Variants in SDK2 observed in about 807,000 individuals in gnomAD.
The protein encoded by SDK2 is protein sidekick-2.
In SDK2, 105 loss-of-function variants were observed where a neutral mutation model predicts 253.9. The ratio of observed to expected loss-of-function variants is 0.41; its 90% CI spans 0.35 to 0.49. SDK2 has a LOEUF of 0.49. SDK2 is among the 20% of genes least tolerant of loss of function. The pLI, the probability that SDK2 is intolerant of heterozygous loss-of-function variation, is 0.06. For missense variants in SDK2, 2,608 were observed against 3,003.0 expected (o/e 0.87, Z 3.07); for synonymous variants, 1,249 against 1,234.9 (o/e 1.01, Z -0.24).
At chr17:73,596,379 G>A (rs544970445) in intron 1 of SDK2, among the ~76,000 whole-genome samples, 1 of 152,300 alleles carries the variant, frequency 6.6e-6, no homozygotes, top group East Asian at 1.9e-4. Context: ...GCATGACACG[G>A]TATGAACATT....
intron 2 of SDK2, 124 bp downstream of exon 2, chr17:73,507,314 G>C (rs2063943535): frequency 9.4e-7 from 1 of 1,059,720 alleles, no homozygotes; most frequent in South Asian, 1.7e-5. Flanking sequence ...CTCACTTCCA[G>C]AACTCCAGGC....
In SDK2 at chr17:73,507,567, G is replaced by A. The variant is rs1337618128; in HGVS notation, c.95C>T (p.Pro32Leu). Reference sequence around the variant, plus strand: ...TTCCAAGTGCACCTGTGTCCGCACAGGCTCTGTCTTGAAATACGGGGACAC... The same window carrying A: ...TTCCAAGTGCACCTGTGTCCGCACAAGCTCTGTCTTGAAATACGGGGACAC... ...DDVSPYFKTE[P>L]VRTQVHLEGN... Residue 32 changes from proline (P) to leucine (L), a missense_variant, in exon 2 of 45, where the codon CCT becomes CTT. Around this residue, in one of 2 missense-constraint regions of SDK2, gnomAD observed 1,505 missense variants for 1,859.1 expected, o/e 0.81. Transcript: ENST00000392650. The A allele has an allele frequency of 6.4e-6, 10 of 1,551,552 alleles. No homozygotes were observed. Among genetic ancestry groups the A allele is most frequent in the African/African-American group, 4.1e-5 (3 of 73,064 alleles).
At position 73,640,797 on chromosome 17, in the gene SDK2, C is replaced by T. The variant is rs193118072; in HGVS notation, c.64+3228G>A. The stretch of plus-strand genomic sequence containing the variant: ...GGTTGTCCCCACTGCCTTGTTCTCT[C>T]GGCTCAGATTCCCTTCCTTCTGTTC... On this transcript the variant is annotated intron_variant, in intron 1 of 44. Coordinates refer to ENST00000392650, the MANE Select transcript of SDK2 (RefSeq NM_001144952.2). Among the ~76,000 whole-genome samples the T allele has an allele frequency of 1.1e-4, 16 of 152,282 alleles. No individual in the cohort carries two copies. In the East Asian group the frequency reaches 2.5e-3, roughly 24 times the overall value.
At position 73,401,933 on chromosome 17, in the gene SDK2, G is replaced by A. The variant is rs761636684; in HGVS notation, c.2680+13C>T. On this transcript the variant is annotated intron_variant, in intron 19 of 44. Coordinates refer to ENST00000392650, the MANE Select transcript of SDK2 (RefSeq NM_001144952.2). Reference sequence around the variant, plus strand: ...GGGGGGGGGCAGAAAGAGCAGGGCTGGGGGGTGCCTACCATCCTCATGGGT... The same window carrying A: ...GGGGGGGGGCAGAAAGAGCAGGGCTAGGGGGTGCCTACCATCCTCATGGGT... 6.3e-7 allele frequency: 1 copy of A among 1,579,056 alleles called. No homozygotes were observed. The highest frequency in any genetic ancestry group is 8.6e-7 in the Non-Finnish European group (1 of 1,158,646).
chr17:73,614,661 T>C (rs1467766935), intron 1 of SDK2, among the ~76,000 whole-genome samples: 1 of 21,884 alleles, frequency 4.6e-5, no homozygotes, highest in Non-Finnish European at 7.6e-5. Context: ...GGACAAAGAT[T>C]GAAAAGGGGG....
chr17:73,458,226 G>A (rs1193196564), intron 3 of SDK2, among the ~76,000 whole-genome samples: 1 of 152,206 alleles, frequency 6.6e-6, no homozygotes, highest in Non-Finnish European at 1.5e-5. Flanking sequence ...TTATAGGCGT[G>A]AGCCACTGTG....
intron 44 of SDK2, among the ~76,000 whole-genome samples, chr17:73,345,705 G>A (rs1049859181): frequency 1.3e-5 from 2 of 152,098 alleles, no homozygotes; most frequent in Non-Finnish European, 2.9e-5. Flanking sequence ...GATGCATTTT[G>A]GGCTTGTTGT....
chr17:73,348,286 C>T (rs747586760), intron 44 of SDK2, among the ~76,000 whole-genome samples: 11 of 152,228 alleles, frequency 7.2e-5, no homozygotes, highest in Non-Finnish European at 1.0e-4. Flanking sequence ...GCACCTTCAG[C>T]GTGCTCTCTT....
chr17:73,518,593 T>C (rs1377658177), intron 1 of SDK2: 1 of 152,208 alleles, frequency 6.6e-6, no homozygotes, highest in Non-Finnish European at 1.5e-5. Flanking sequence ...TAGGTTTATT[T>C]TGCAGTTAAC....
chr17:73,536,770 C>T (rs2145813332), intron 1 of SDK2, among the ~76,000 whole-genome samples: 1 of 152,328 alleles, frequency 6.6e-6, no homozygotes, highest in African/African-American at 2.4e-5. Flanking sequence ...CCACTGGGGG[C>T]CTCTCTGAAG....
In SDK2 at chr17:73,481,286, T is replaced by A. The variant is rs1477371952; in HGVS notation, c.225-9068A>T. On this transcript the variant is annotated intron_variant, in intron 2 of 44. Transcript: ENST00000392650. The surrounding 1 kb of genome is among the most constrained non-coding windows in gnomAD (Gnocchi z 4.5). ...GGAGGGGGGACTTGGGCACAGTGTG[T>A]TCCCCCCACCTTCTAGGGAACCTGA... 6.6e-6 allele frequency among the ~76,000 whole-genome samples: 1 copy of A among 152,056 alleles called. No individual in the cohort carries two copies. Among genetic ancestry groups the A allele is most frequent in the African/African-American group, 2.4e-5 (1 of 41,410 alleles).
rs554581880 is a variant in SDK2 at position 73,595,471 on chromosome 17, C to T, written c.64+48554G>A. Among the ~76,000 whole-genome samples, 4 of 152,294 alleles carry T rather than the reference C, an allele frequency of 2.6e-5. No individual in the cohort carries two copies. The East Asian group carries it at 5.8e-4, about 22-fold the overall frequency. ...AAGAGATCCCACACAGCACCAGCCT[C>T]CCACACAGCCATGAGTCTGGGCCCT... On this transcript the variant is annotated intron_variant, in intron 1 of 44. Transcript: ENST00000392650.
At chr17:73,531,319 T>C (rs972392624) in intron 1 of SDK2, among the ~76,000 whole-genome samples, 1 of 152,182 alleles carries the variant, frequency 6.6e-6, no homozygotes, top group African/African-American at 2.4e-5. Flanking sequence ...TTTTCTAATA[T>C]ACTTAGCGGT....
intron 14 of SDK2, among the ~76,000 whole-genome samples, 171 bp downstream of exon 14, chr17:73,423,215 C>G (rs1396545700): frequency 1.3e-5 from 2 of 152,206 alleles, no homozygotes; most frequent in African/African-American, 4.8e-5. Context: ...CAGGGCCTGA[C>G]AGGCAGATGC....
chr17:73,372,794 T>C (rs1171727853), intron 36 of SDK2, among the ~76,000 whole-genome samples: 1 of 152,016 alleles, frequency 6.6e-6, no homozygotes, highest in Non-Finnish European at 1.5e-5. Flanking sequence ...CAAAAAACTG[T>C]ATGTGTTTAA....
intron 3 of SDK2, among the ~76,000 whole-genome samples, chr17:73,457,787 G>T (rs79858718): frequency 1.3e-5 from 2 of 152,062 alleles, no homozygotes; most frequent in African/African-American, 4.8e-5. Context: ...CAAGGGGGCC[G>T]CATCCTAAGC....
rs767237872 is a variant in SDK2 at position 73,350,363 on chromosome 17, T to A, written c.5912A>T (p.Lys1971Met). Residue 1971 changes from lysine (K) to methionine (M), a missense_variant, in exon 43 of 45, where the codon AAG becomes ATG. Lys to Met is a moderately conservative substitution (Grantham distance 95, BLOSUM62 -1). Around this residue, in one of 2 missense-constraint regions of SDK2, gnomAD observed 1,103 missense variants for 1,143.9 expected, o/e 0.96. Transcript: ENST00000392650. ...CTCGCTGTGGCCTAGGGCTCCAGAC[T>A]TGGCACTGTTCCCTGAAGTCGGCGG... is the stretch of plus-strand genomic sequence containing the variant. Reference protein sequence around the residue: ...AKKTDSGNSAKSGALGHSEMM... With the variant: ...AKKTDSGNSAMSGALGHSEMM... 1.2e-6 allele frequency: 2 copies of A among 1,613,706 alleles called. No individual in the cohort carries two copies. Among genetic ancestry groups the A allele is most frequent in the Non-Finnish European group, 1.7e-6 (2 of 1,179,744 alleles).
In SDK2 at chr17:73,455,460, C is replaced by T. The variant is rs960496978; in HGVS notation, c.479+446G>A. Among the ~76,000 whole-genome samples the T allele has an allele frequency of 1.4e-4, 21 of 152,150 alleles. No homozygotes were observed. The highest frequency in any genetic ancestry group is 3.1e-4 in the Non-Finnish European group (21 of 68,020). ...ACCTCCGCCGCACAGCCAAGACACACACAGCCCTCACACACCAGTAAACAC... is the reference window on the plus strand; with the variant it reads ...ACCTCCGCCGCACAGCCAAGACACATACAGCCCTCACACACCAGTAAACAC... On this transcript the variant is annotated intron_variant, in intron 4 of 44. Transcript: ENST00000392650. The surrounding 1 kb of genome is among the most constrained non-coding windows in gnomAD (Gnocchi z 5.0).
At position 73,435,669 on chromosome 17, in the gene SDK2, G is replaced by A. The variant is rs2145619814; in HGVS notation, c.1001-25C>T. The A allele has an allele frequency of 2.6e-6, 4 of 1,522,248 alleles. No individual in the cohort carries two copies. Among genetic ancestry groups the A allele is most frequent in the South Asian group, 2.5e-5 (2 of 81,486 alleles). The allele number at this position is 1,522,248 out of a possible 1,614,324, so 94.3% of individuals were successfully genotyped here. On this transcript the variant is annotated intron_variant, in intron 8 of 44. Coordinates refer to ENST00000392650, the MANE Select transcript of SDK2 (RefSeq NM_001144952.2). This position sits in a 1 kb window ranked among gnomAD's most constrained non-coding sequence, Gnocchi z 5.7. Reference sequence around the variant, plus strand: ...CCTGTGGGCAAGACGTGGGCCCACCGTCAACCTGCCTCCTGCCTCCTCTCC... The same window carrying A: ...CCTGTGGGCAAGACGTGGGCCCACCATCAACCTGCCTCCTGCCTCCTCTCC...
Sources: gnomAD v4.1 joint callset for allele counts (sites outside exome capture counted in the v4.1 genomes callset) on GRCh38, gnomAD v4.1.1 for gene constraint, gnomAD v4.1.1 regional missense constraint, Gnocchi (gnomAD v3.1) non-coding constraint, MANE v1.5 for transcripts, NCBI Gene and HGNC (gene_info 2026-07-23, HGNC 2026-07-21) for gene names.